The following RBMS3 variants were observed in gnomAD, a reference collection of about 807,000 sequenced individuals.
RBMS3 encodes the protein RNA binding motif single stranded interacting protein 3.
In RBMS3, 27 loss-of-function variants were observed where a neutral mutation model predicts 66.8. The observed-to-expected ratio is 0.40, with a 90% CI of 0.30 to 0.56. The LOEUF is 0.56. Ranked by LOEUF, RBMS3 falls within the 20% of genes least tolerant of loss-of-function variation. The probability of loss-of-function intolerance (pLI) is 0.40; values close to 1 mark genes in which losing one functional copy is unlikely to be tolerated. For synonymous variants in RBMS3, 188 were observed against 183.0 expected, an observed-to-expected ratio of 1.03 and a Z score of -0.22; for missense variants, 513 against 549.5, an observed-to-expected ratio of 0.93 and a Z score of 0.66.
At chr3:29,719,673 T>C (rs2053558903) in intron 4 of RBMS3, among the ~76,000 whole-genome samples, 1 of 152,188 alleles carries the variant, frequency 6.6e-6, no homozygotes, top group African/African-American at 2.4e-5. Flanking sequence ...TCTTCTATGA[T>C]AATCAATAGT....
intron 6 of RBMS3, among the ~76,000 whole-genome samples, chr3:29,821,184 A>G (rs2058068853): frequency 1.3e-5 from 2 of 152,194 alleles, no homozygotes; most frequent in Admixed American, 1.3e-4. Flanking sequence ...TTTTCATATA[A>G]GCATCCAGAT....
chr3:29,316,229 A>G (rs898453625), intron 1 of RBMS3, among the ~76,000 whole-genome samples: 1 of 151,666 alleles, frequency 6.6e-6, no homozygotes, highest in African/African-American at 2.4e-5. Context: ...CTATCACCCA[A>G]CCAAACTCTA....
chr3:29,821,095 G>A (rs1189972399), intron 6 of RBMS3, among the ~76,000 whole-genome samples: 1 of 152,088 alleles, frequency 6.6e-6, no homozygotes, highest in Non-Finnish European at 1.5e-5. Flanking sequence ...TCCCCTTGCT[G>A]TTTTTCTGCC....
At chr3:29,301,875 T>A (rs1160675533) in intron 1 of RBMS3, among the ~76,000 whole-genome samples, 1 of 151,980 alleles carries the variant, frequency 6.6e-6, no homozygotes, top group African/African-American at 2.4e-5. Flanking sequence ...GAGATGCTGA[T>A]GTTGTGGGTC....
At chr3:29,433,766 C>T (rs924756771) in intron 1 of RBMS3, among the ~76,000 whole-genome samples, 55 of 152,246 alleles carry the variant, frequency 3.6e-4, no homozygotes, top group African/African-American at 1.1e-3. Context: ...TCTATGAATT[C>T]TGGTATGTAT....
intron 4 of RBMS3, among the ~76,000 whole-genome samples, chr3:29,596,582 A>C (rs17023891): frequency 1.3e-5 from 2 of 152,248 alleles, no homozygotes; most frequent in Non-Finnish European, 2.9e-5. Context: ...AAAAAATAGG[A>C]GATGTCCCAC....
At chr3:29,867,696 T>C (rs971007060) in intron 6 of RBMS3, among the ~76,000 whole-genome samples, 1 of 151,170 alleles carries the variant, frequency 6.6e-6, no homozygotes, top group Non-Finnish European at 1.5e-5. Context: ...GCCAAAGCAA[T>C]CACATGGGGT....
chr3:29,633,435 A>G (rs2049356440), intron 4 of RBMS3, among the ~76,000 whole-genome samples: 1 of 151,818 alleles, frequency 6.6e-6, no homozygotes, highest in Non-Finnish European at 1.5e-5. Flanking sequence ...ATAGTATAAT[A>G]TTACTGTTTC....
intron 1 of RBMS3, among the ~76,000 whole-genome samples, chr3:29,434,218 G>C (rs139874622): frequency 1.3e-5 from 2 of 152,312 alleles, no homozygotes; most frequent in East Asian, 3.9e-4. Context: ...CATTCATTCA[G>C]TCATTCATAG....
intron 10 of RBMS3, among the ~76,000 whole-genome samples, chr3:29,899,987 A>T (rs567532744): frequency 1.3e-5 from 2 of 149,788 alleles, no homozygotes; most frequent in South Asian, 4.2e-4. Flanking sequence ...AAAGCAAGAG[A>T]GTGAGAGAGA....
chr3:29,802,111 G>C (rs1433883363), intron 6 of RBMS3, among the ~76,000 whole-genome samples: 2 of 152,082 alleles, frequency 1.3e-5, no homozygotes, highest in African/African-American at 4.8e-5. Context: ...TATTTTCTCT[G>C]GTGTTTTTGT....
intron 10 of RBMS3, among the ~76,000 whole-genome samples, chr3:29,933,325 T>A (rs1559814627): frequency 6.6e-6 from 1 of 152,182 alleles, no homozygotes; most frequent in Non-Finnish European, 1.5e-5. Flanking sequence ...TATTTATTTA[T>A]TTATGTCATA....
intron 6 of RBMS3, among the ~76,000 whole-genome samples, chr3:29,866,322 C>A (rs1379551490): frequency 6.6e-6 from 1 of 152,096 alleles, no homozygotes; most frequent in East Asian, 1.9e-4. Flanking sequence ...ACAACAAAAA[C>A]TTACCTGTGG....
At chr3:29,439,771 A>G (rs745518543) in intron 2 of RBMS3, among the ~76,000 whole-genome samples, 2 of 152,130 alleles carry the variant, frequency 1.3e-5, no homozygotes, top group Non-Finnish European at 2.9e-5. Context: ...TTTCTTACCC[A>G]GTCTTGAACG....
chr3:29,952,128 G>T (rs1695722858), intron 12 of RBMS3, among the ~76,000 whole-genome samples: 1 of 151,666 alleles, frequency 6.6e-6, no homozygotes, highest in Non-Finnish European at 1.5e-5. Flanking sequence ...TAATGAGTGT[G>T]GTGATTATAT....
intron 1 of RBMS3, among the ~76,000 whole-genome samples, chr3:29,363,523 C>G (rs971641545): frequency 6.6e-6 from 1 of 152,134 alleles, no homozygotes; most frequent in African/African-American, 2.4e-5. Flanking sequence ...GGCGTGGTGG[C>G]TCACATTGTA....
At chr3:29,839,165 T>G (rs951707219) in intron 6 of RBMS3, among the ~76,000 whole-genome samples, 3 of 152,212 alleles carry the variant, frequency 2.0e-5, no homozygotes, top group Admixed American at 6.6e-5. Context: ...ATAATTATTT[T>G]AACTGGCCCC....
intron 4 of RBMS3, among the ~76,000 whole-genome samples, chr3:29,629,605 T>C (rs1443004583): frequency 6.6e-5 from 10 of 152,106 alleles, no homozygotes. Context: ...AAATACAGTT[T>C]ATCTAACAGG....
At chr3:29,879,755 G>A (rs1483035582) in intron 7 of RBMS3, among the ~76,000 whole-genome samples, 1 of 151,388 alleles carries the variant, frequency 6.6e-6, no homozygotes, top group Non-Finnish European at 1.5e-5. Flanking sequence ...CCAATTTTTT[G>A]ATCCCCATTT....
Sources: allele counts gnomAD v4.1 joint callset (sites outside exome capture counted in the v4.1 genomes callset), GRCh38; gene constraint gnomAD v4.1.1; transcripts MANE v1.5; gene names NCBI Gene and HGNC (gene_info 2026-07-23, HGNC 2026-07-21).